ABCB5: variants seen among roughly 807,000 people sequenced by gnomAD.
ABCB5 encodes ATP binding cassette subfamily B member 5, also known as ATP-binding cassette sub-family B member 5.
In ABCB5, 155 loss-of-function variants were observed where a neutral mutation model predicts 144.2. The observed-to-expected ratio is 1.08, with a 90% CI of 0.94 to 1.23. ABCB5 has a LOEUF of 1.23. Ranked by LOEUF, ABCB5 falls within the 50% of genes most tolerant of loss-of-function variation. The pLI is 0.00. For missense variants in ABCB5, 1,830 were observed against 1,520.8 expected (o/e 1.20, Z -3.38); for synonymous variants, 610 against 528.6 (o/e 1.15, Z -2.11).
intron 24 of ABCB5, among the ~76,000 whole-genome samples, chr7:20,742,635 G>A (rs1427393171): frequency 1.3e-5 from 2 of 152,174 alleles, no homozygotes; most frequent in African/African-American, 2.4e-5. Flanking sequence ...GGAAGCAAGT[G>A]GTTTTTAGAA....
chr7:20,727,718 C>A (rs182338276), intron 22 of ABCB5, among the ~76,000 whole-genome samples: 54 of 152,170 alleles, frequency 3.5e-4, no homozygotes, highest in Admixed American at 1.4e-3. Flanking sequence ...CCAGCCTAGG[C>A]GACACAGCAA....
intron 16 of ABCB5, 82 bp downstream of exon 16, chr7:20,685,918 T>C (rs1043261176): frequency 2.2e-6 from 3 of 1,352,614 alleles, no homozygotes; most frequent in South Asian, 1.6e-5. Context: ...AATTTATTTA[T>C]AGTAAAATAT....
intron 24 of ABCB5, among the ~76,000 whole-genome samples, chr7:20,742,466 T>C (rs752502665): frequency 6.6e-6 from 1 of 152,126 alleles, no homozygotes; most frequent in African/African-American, 2.4e-5. Flanking sequence ...TTTAGAGAAA[T>C]AACCCTCATA....
chr7:20,667,026 T>C (rs1785221239), intron 14 of ABCB5: 1 of 619,348 alleles, frequency 1.6e-6, no homozygotes, highest in Non-Finnish European at 2.3e-6. Context: ...GTCACATGAA[T>C]GATCTAGTAG....
chr7:20,755,735 C>A lies in ABCB5; in HGVS notation c.*111C>A. The A allele has an allele frequency of 1.0e-6, 1 of 990,850 alleles. No homozygotes were observed. The highest frequency in any genetic ancestry group is 1.5e-6 in the Non-Finnish European group (1 of 666,788). The allele number at this position is 990,850 out of a possible 1,614,324, so 61.4% of individuals were successfully genotyped here. A position where few individuals can be genotyped will look rare whatever the true frequency, so the allele number is the denominator to read the frequency against. ...TATTGCATATATCAATACCTAGAAT[C>A]ATGCTACTCAAGTACATACATGTTC... On this transcript the variant is annotated 3_prime_UTR_variant, in exon 28 of 28. Transcript: ENST00000404938.
intron 14 of ABCB5, among the ~76,000 whole-genome samples, chr7:20,680,310 G>C (rs1785747129): frequency 6.6e-6 from 1 of 152,052 alleles, no homozygotes; most frequent in African/African-American, 2.4e-5. Flanking sequence ...TGTAATCCCA[G>C]CACTTTGGGA....
intron 15 of ABCB5, among the ~76,000 whole-genome samples, chr7:20,684,682 G>T (rs1053158141): frequency 4.6e-5 from 7 of 152,152 alleles, no homozygotes; most frequent in Non-Finnish European, 1.0e-4. Flanking sequence ...CAGGAAAAAA[G>T]AGAAAATGAT....
At chr7:20,690,199 A>G (rs1181140871) in intron 16 of ABCB5, among the ~76,000 whole-genome samples, 1 of 152,216 alleles carries the variant, frequency 6.6e-6, no homozygotes, top group East Asian at 1.9e-4. Flanking sequence ...TAAGCAACAA[A>G]CTACAATAGT....
chr7:20,629,846 A>T (rs925455573), intron 4 of ABCB5, among the ~76,000 whole-genome samples: 3 of 152,156 alleles, frequency 2.0e-5, no homozygotes, highest in Admixed American at 6.6e-5. Flanking sequence ...GTAGCTACTT[A>T]GGTTTTTGGG....
At chr7:20,692,617 G>T (rs7795556) in intron 16 of ABCB5, among the ~76,000 whole-genome samples, 2,544 of 151,412 alleles carry the variant, frequency 0.017, 71 homozygotes, top group African/African-American at 0.059. Flanking sequence ...TTACATTTTT[G>T]ATATGTTTAA....
chr7:20,617,394 G>T (rs771175046), intron 1 of ABCB5, among the ~76,000 whole-genome samples: 1 of 152,160 alleles, frequency 6.6e-6, no homozygotes, highest in South Asian at 2.1e-4. Context: ...GATGCCAGAG[G>T]TCCTTTGACA....
chr7:20,719,709 C>A (rs73684828), intron 20 of ABCB5, among the ~76,000 whole-genome samples: 3,464 of 152,142 alleles, frequency 0.023, 126 homozygotes, highest in African/African-American at 0.079. Context: ...AGGCAGGAGA[C>A]ATGAGAGCAG....
intron 14 of ABCB5, among the ~76,000 whole-genome samples, chr7:20,677,211 A>C (rs1785645176): frequency 6.6e-6 from 1 of 152,186 alleles, no homozygotes; most frequent in Non-Finnish European, 1.5e-5. Flanking sequence ...ATAAAGGGAA[A>C]TTTGATCCCA....
intron 16 of ABCB5, among the ~76,000 whole-genome samples, chr7:20,691,303 G>T (rs1037515559): frequency 6.7e-6 from 1 of 148,286 alleles, no homozygotes; most frequent in Non-Finnish European, 1.5e-5. Flanking sequence ...TTGAGTTGAG[G>T]AGACAGAGCT....
chr7:20,643,309 T>A lies in ABCB5; in HGVS notation c.440T>A (p.Val147Asp). The A allele has an allele frequency of 1.9e-6, 3 of 1,613,802 alleles. No individual in the cohort carries two copies. Among genetic ancestry groups the A allele is most frequent in the Non-Finnish European group, 2.5e-6 (3 of 1,179,804 alleles). ...KRIRKQFFHS[V>D]LAQDIGWFDS... ...ATTCGAAAACAGTTTTTTCATTCAG[T>A]TTTGGCACAGGACATCGGCTGGTTT... The change falls in exon 6 of 28, where the codon GTT becomes GAT. Residue 147 changes from valine to aspartate, a missense_variant. Val to Asp is a radical substitution (Grantham distance 152, BLOSUM62 -3). Coordinates refer to ENST00000404938, the MANE Select transcript of ABCB5 (RefSeq NM_001163941.2).
At chr7:20,623,430 T>C in intron 2 of ABCB5, 92 bp downstream of exon 2, 2 of 1,081,386 alleles carry the variant, frequency 1.8e-6, no homozygotes, top group Non-Finnish European at 2.7e-6. Context: ...TTATAATTTT[T>C]TCCCAAAAAT....
chr7:20,725,643 T>A (rs574379747), intron 21 of ABCB5, among the ~76,000 whole-genome samples: 2 of 152,296 alleles, frequency 1.3e-5, no homozygotes, highest in South Asian at 4.1e-4. Context: ...TTTCTAAGGG[T>A]CTGTAATAAT....
intron 13 of ABCB5, among the ~76,000 whole-genome samples, chr7:20,655,237 T>G (rs1784739504): frequency 6.6e-6 from 1 of 152,120 alleles, no homozygotes; most frequent in Admixed American, 6.6e-5. Context: ...TTTGGGAGGC[T>G]GAGGCAGGTG....
intron 16 of ABCB5, among the ~76,000 whole-genome samples, chr7:20,687,705 A>G (rs7805806): frequency 0.13 from 19,835 of 152,140 alleles, 1,352 homozygotes; most frequent in Middle Eastern, 0.22. Flanking sequence ...TGAAAAATAA[A>G]CAAGGAAGTG....
Sources: gnomAD v4.1 joint callset for allele counts (sites outside exome capture counted in the v4.1 genomes callset) on GRCh38, gnomAD v4.1.1 for gene constraint, MANE v1.5 for transcripts, NCBI Gene and HGNC (gene_info 2026-07-23, HGNC 2026-07-21) for gene names.